The following YWHAE variants were observed in gnomAD, a reference collection of about 807,000 sequenced individuals.
YWHAE encodes the protein 14-3-3 protein epsilon.
A neutral mutation model predicts 30.1 loss-of-function variants in YWHAE; 4 were observed. The ratio of observed to expected loss-of-function variants is 0.13; its 90% CI spans 0.07 to 0.30. The LOEUF is 0.30. YWHAE is among the 10% of genes least tolerant of loss of function. The probability of loss-of-function intolerance (pLI) is 1.00; values close to 1 mark genes in which losing one functional copy is unlikely to be tolerated. For synonymous variants in YWHAE, 118 were observed against 111.8 expected (o/e 1.06, Z -0.35); for missense variants, 121 against 315.9 (o/e 0.38, Z 4.68).
chr17:1,357,275 C>T (rs370117760), intron 4 of YWHAE, among the ~76,000 whole-genome samples: 2 of 150,622 alleles, frequency 1.3e-5, no homozygotes, highest in African/African-American at 4.9e-5. Flanking sequence ...TGGTGGCGGG[C>T]GCCTGTAGTC....
At chr17:1,382,977 C>T (rs1329051805) in intron 1 of YWHAE, among the ~76,000 whole-genome samples, 7 of 150,672 alleles carry the variant, frequency 4.6e-5, no homozygotes, top group Middle Eastern at 3.4e-3. Context: ...GTGAGCTGAC[C>T]TCATGCCACT....
chr17:1,377,926 G>C (rs185827532), intron 1 of YWHAE, among the ~76,000 whole-genome samples: 7 of 152,142 alleles, frequency 4.6e-5, no homozygotes, highest in African/African-American at 1.7e-4. Context: ...GCGGGTGCCT[G>C]TAATCCCAGC....
chr17:1,367,562 A>G (rs995641331), intron 1 of YWHAE, among the ~76,000 whole-genome samples: 2 of 152,184 alleles, frequency 1.3e-5, no homozygotes, highest in Non-Finnish European at 2.9e-5. Context: ...GTACAAAAGT[A>G]ATTGCGCATT....
intron 1 of YWHAE, among the ~76,000 whole-genome samples, chr17:1,397,707 CCA>C (rs1037602890): frequency 1.3e-5 from 2 of 152,060 alleles, no homozygotes; most frequent in Admixed American, 1.3e-4. Flanking sequence ...GAAAACTTTG[CCA>C]CCAGAAACAA....
At chr17:1,363,415 G>A (rs1341703793) in intron 2 of YWHAE, among the ~76,000 whole-genome samples, 6 of 151,976 alleles carry the variant, frequency 3.9e-5, no homozygotes, top group Non-Finnish European at 7.4e-5. Flanking sequence ...ACAGGTGCCC[G>A]CCACCATGCC....
intron 5 of YWHAE, among the ~76,000 whole-genome samples, chr17:1,351,905 A>G (rs567992494): frequency 1.5e-4 from 23 of 151,172 alleles, no homozygotes; most frequent in African/African-American, 5.6e-4. Flanking sequence ...CTCCTGCCTC[A>G]GCCTTGCAAG....
At chr17:1,365,160 T>C in intron 1 of YWHAE, 102 bp from the exon 2 acceptor site, 2 of 1,245,446 alleles carry the variant, frequency 1.6e-6, no homozygotes, top group Non-Finnish European at 2.2e-6. Flanking sequence ...GAAAAAAACA[T>C]TTTAACAAAA....
intron 1 of YWHAE, chr17:1,399,642 T>C (rs2073534505): frequency 3.6e-6 from 1 of 278,490 alleles, no homozygotes; most frequent in African/African-American, 2.3e-5. Flanking sequence ...TGGCGGGTGC[T>C]GCTTCCCCCG....
rs1366394611 is a variant in YWHAE, at chr17:1,344,879, G to A, written c.*568C>T. ...ATTGTTGAACTGTTACCAGCACCAT[G>A]CTTTTCAGCAACATTTCAGCGGAGT... On this transcript the variant is annotated 3_prime_UTR_variant, in exon 6 of 6. Coordinates refer to ENST00000264335, the MANE Select transcript of YWHAE (RefSeq NM_006761.5). 1 of 233,282 alleles carries A rather than the reference G, an allele frequency of 4.3e-6. No individual in the cohort carries two copies. The highest frequency in any genetic ancestry group is 8.5e-6 in the Non-Finnish European group (1 of 117,920). 14.5% of individuals were successfully genotyped at this position (233,282 alleles called of 1,614,324 possible).
intron 1 of YWHAE, among the ~76,000 whole-genome samples, chr17:1,391,538 TTTCA>T (rs2073389592): frequency 2.0e-5 from 3 of 152,216 alleles, no homozygotes; most frequent in South Asian, 2.1e-4. Flanking sequence ...TTATGGTGAC[TTTCA>T]TTATTATTTG....
At chr17:1,359,812 T>TTGTG (rs59650315) in intron 4 of YWHAE, among the ~76,000 whole-genome samples, 10,728 of 130,462 alleles carry the variant, frequency 0.082, 501 homozygotes, top group Middle Eastern at 0.15. Context: ...CACTAAATTG[T>TTGTG]TGTGTGTGTG....
At chr17:1,361,857 G>C in intron 3 of YWHAE, 45 bp downstream of exon 3, 1 of 1,339,764 alleles carries the variant, frequency 7.5e-7, no homozygotes, top group Non-Finnish European at 1.0e-6. Flanking sequence ...GTTCTAAAAG[G>C]ACCAACTTTC....
chr17:1,361,792 C>T, intron 3 of YWHAE, 110 bp downstream of exon 3: 1 of 635,624 alleles, frequency 1.6e-6, no homozygotes, highest in Non-Finnish European at 2.6e-6. Flanking sequence ...ATCCTTCTAA[C>T]ATTGAACAAT....
intron 1 of YWHAE, among the ~76,000 whole-genome samples, chr17:1,391,366 A>G (rs2073387521): frequency 6.6e-6 from 1 of 152,188 alleles, no homozygotes; most frequent in Admixed American, 6.5e-5. Flanking sequence ...AACGTTTAGG[A>G]AACTGTTGTA....
intron 5 of YWHAE, chr17:1,347,823 A>G (rs2072551826): frequency 3.4e-6 from 1 of 294,116 alleles, no homozygotes; most frequent in African/African-American, 2.3e-5. Flanking sequence ...CAGGAGGAGC[A>G]GGCCGGAAAA....
intron 4 of YWHAE, among the ~76,000 whole-genome samples, chr17:1,357,796 G>A (rs941345124): frequency 4.6e-5 from 7 of 151,566 alleles, no homozygotes; most frequent in Non-Finnish European, 8.8e-5. Context: ...GTATGGTGGC[G>A]GGCGTCTGTA....
At chr17:1,357,170 G>A (rs1323892311) in intron 4 of YWHAE, among the ~76,000 whole-genome samples, 5 of 152,054 alleles carry the variant, frequency 3.3e-5, no homozygotes, top group East Asian at 1.9e-4. Context: ...TTGGGAGGCC[G>A]AGGCGGGTGG....
intron 5 of YWHAE, chr17:1,348,033 G>A: frequency 2.0e-6 from 2 of 998,142 alleles, no homozygotes; most frequent in Non-Finnish European, 2.4e-6. Flanking sequence ...AAAAGGGAGG[G>A]AGAACAATCA....
At chr17:1,357,553 C>T (rs2072772265) in intron 4 of YWHAE, among the ~76,000 whole-genome samples, 2 of 151,624 alleles carry the variant, frequency 1.3e-5, no homozygotes, top group African/African-American at 4.8e-5. Context: ...GTACTCCAGC[C>T]ACAGCAGCAG....
Sources: gnomAD v4.1 joint callset for allele counts (sites outside exome capture counted in the v4.1 genomes callset) on GRCh38, gnomAD v4.1.1 for gene constraint, MANE v1.5 for transcripts, NCBI Gene and HGNC (gene_info 2026-07-23, HGNC 2026-07-21) for gene names.